CASZ1: variants seen among roughly 807,000 people sequenced by gnomAD.
The protein encoded by CASZ1 is castor zinc finger 1.
In CASZ1, 28 loss-of-function variants were observed where a neutral mutation model predicts 135.2. That is an observed-to-expected ratio of 0.21 (90% CI 0.15 to 0.28). CASZ1 has a LOEUF of 0.28. CASZ1 is among the 10% of genes least tolerant of loss of function. The probability of loss-of-function intolerance (pLI) is 1.00; values close to 1 mark genes in which losing one functional copy is unlikely to be tolerated. For missense variants in CASZ1, 2,161 were observed against 2,453.3 expected (o/e 0.88, Z 2.52); for synonymous variants, 1,068 against 1,073.4 (o/e 0.99, Z 0.10).
At chr1:10,744,789 G>A (rs986537358) in intron 2 of CASZ1, among the ~76,000 whole-genome samples, 3 of 152,112 alleles carry the variant, frequency 2.0e-5, no homozygotes, top group Admixed American at 1.3e-4. Flanking sequence ...GGTAGCCAGC[G>A]AGAGCCATTC....
In CASZ1 at chr1:10,701,557, G is replaced by A. The variant is rs1013854830; in HGVS notation, c.-24+3935C>T. The stretch of plus-strand genomic sequence containing the variant: ...AGGGGGGGCGCGGTCAGAAGAAGGA[G>A]ATAACGGGCAAAGGGCTGGAGGGAG... On this transcript the variant is annotated intron_variant, in intron 3 of 20. Coordinates refer to ENST00000377022, the MANE Select transcript of CASZ1 (RefSeq NM_001079843.3). The surrounding 1 kb of genome is among the most constrained non-coding windows in gnomAD (Gnocchi z 6.3). Among the ~76,000 whole-genome samples the A allele has an allele frequency of 8.5e-5, 13 of 152,194 alleles. No homozygotes were observed. Among genetic ancestry groups the A allele is most frequent in the African/African-American group, 3.1e-4 (13 of 41,460 alleles).
chr1:10,668,181 T>C (rs571167497), intron 4 of CASZ1, among the ~76,000 whole-genome samples: 1 of 152,214 alleles, frequency 6.6e-6, no homozygotes, highest in Non-Finnish European at 1.5e-5. Flanking sequence ...AGGGGTGCGT[T>C]GGAGCTGAGG....
In CASZ1 at chr1:10,711,585, C is replaced by CAAAAAAAAAA. The variant is rs201085072; in HGVS notation, c.-76-6051_-76-6042dup. ...CCAGAAAAAATGGAAAACAGGTACTCAAAAAAAAAAAAAAAAGAAAAACAA... is the reference window on the plus strand; with the variant it reads ...CCAGAAAAAATGGAAAACAGGTACTCAAAAAAAAAAAAAAAAAAAAAAAAAAGAAAAACAA... On this transcript the variant is annotated intron_variant, in intron 2 of 20. Transcript: ENST00000377022. The surrounding 1 kb of genome is among the most constrained non-coding windows in gnomAD (Gnocchi z 4.4). Among the ~76,000 whole-genome samples the CAAAAAAAAAA allele has an allele frequency of 1.0e-5, 1 of 97,566 alleles. No homozygotes were observed. 64.0% of individuals were successfully genotyped at this position (97,566 alleles called of 152,430 possible).
rs376625385 is a variant in CASZ1, at chr1:10,749,302, C to A, written c.-77+11399G>T. On this transcript the variant is annotated intron_variant, in intron 2 of 20. Transcript: ENST00000377022. ...TCACTCTGTCGCCCAGGCTGGAGTGCAGTGGTGCAACCTCAGCTCACTGCA... is the reference window on the plus strand; with the variant it reads ...TCACTCTGTCGCCCAGGCTGGAGTGAAGTGGTGCAACCTCAGCTCACTGCA... Among the ~76,000 whole-genome samples the A allele has an allele frequency of 2.1e-3, 320 of 151,838 alleles. 1 individual carries two copies. Among genetic ancestry groups the A allele is most frequent in the African/African-American group, 6.9e-3 (287 of 41,408 alleles).
chr1:10,662,766 C>A (rs1001878071), intron 5 of CASZ1, among the ~76,000 whole-genome samples: 1 of 152,122 alleles, frequency 6.6e-6, no homozygotes, highest in Non-Finnish European at 1.5e-5. Flanking sequence ...CAGACTCTTG[C>A]GCTCACACTC....
At chr1:10,748,195 C>G (rs575464399) in intron 2 of CASZ1, among the ~76,000 whole-genome samples, 1 of 152,292 alleles carries the variant, frequency 6.6e-6, no homozygotes, top group South Asian at 2.1e-4. Context: ...TTGCCAGGCC[C>G]GGCCTGTCCT....
At position 10,656,690 on chromosome 1, in the gene CASZ1, A is replaced by G; in HGVS notation, c.1456T>C (p.Tyr486His). The G allele has an allele frequency of 6.2e-7, 1 of 1,603,932 alleles. No homozygotes were observed. The highest frequency in any genetic ancestry group is 8.5e-7 in the Non-Finnish European group (1 of 1,176,178). ...HCGHIHCAYQYREHYHCLDPE... is the reference protein window; with the variant it reads ...HCGHIHCAYQHREHYHCLDPE... ...TCAAGGCAGTGGTAGTGCTCGCGGT[A>G]CTGGTAGGCACAGTGGATGTGGCCA... Residue 486 changes from tyrosine to histidine, a missense_variant, in exon 8 of 21, where the codon TAC becomes CAC. Around this residue, in one of 7 missense-constraint regions of CASZ1, gnomAD observed 248 missense variants for 410.8 expected, o/e 0.60. Coordinates refer to ENST00000377022, the MANE Select transcript of CASZ1 (RefSeq NM_001079843.3).
At chr1:10,686,079 C>A (rs1032476077) in intron 4 of CASZ1, among the ~76,000 whole-genome samples, 1 of 152,146 alleles carries the variant, frequency 6.6e-6, no homozygotes, top group South Asian at 2.1e-4. Context: ...AACCTGACCC[C>A]GTGGCCCCCA....
At chr1:10,664,159 C>G (rs1643147546) in intron 5 of CASZ1, among the ~76,000 whole-genome samples, 1 of 152,220 alleles carries the variant, frequency 6.6e-6, no homozygotes, top group Non-Finnish European at 1.5e-5. Flanking sequence ...AATTATGTGG[C>G]TGCGCAGGGC....
In CASZ1 at chr1:10,741,790, TTA is replaced by T. The variant is rs541260751; in HGVS notation, c.-77+18909_-77+18910del. On this transcript the variant is annotated intron_variant, in intron 2 of 20. Coordinates refer to ENST00000377022, the MANE Select transcript of CASZ1 (RefSeq NM_001079843.3). This position sits in a 1 kb window ranked among gnomAD's most constrained non-coding sequence, Gnocchi z 5.0. Reference sequence around the variant, plus strand: ...CTTTACAAACGACTTTTATACATATTTATATATATATATAGTTATATATTAAC... The same window carrying T: ...CTTTACAAACGACTTTTATACATATTTATATATATATAGTTATATATTAAC... 5.3e-5 allele frequency among the ~76,000 whole-genome samples: 8 copies of T among 151,254 alleles called. No individual in the cohort carries two copies. The highest frequency in any genetic ancestry group is 9.7e-5 in the African/African-American group (4 of 41,294).
chr1:10,682,996 G>A (rs1025627925), intron 4 of CASZ1, among the ~76,000 whole-genome samples: 18 of 152,244 alleles, frequency 1.2e-4, no homozygotes, highest in African/African-American at 3.9e-4. Flanking sequence ...CTGCGGGTAC[G>A]CAAAGATAAA....
At chr1:10,785,273 T>TCTTTC (rs1324107519) in intron 1 of CASZ1, among the ~76,000 whole-genome samples, 1 of 151,522 alleles carries the variant, frequency 6.6e-6, no homozygotes, top group South Asian at 2.1e-4. Context: ...CTTTCTTCCT[T>TCTTTC]CTTTCCTTTC....
chr1:10,730,045 C>G (rs1421776815), intron 2 of CASZ1, among the ~76,000 whole-genome samples: 1 of 152,142 alleles, frequency 6.6e-6, no homozygotes, highest in African/African-American at 2.4e-5. Context: ...GAACTCCTGG[C>G]CTCAAGTGAT....
intron 2 of CASZ1, among the ~76,000 whole-genome samples, chr1:10,737,278 G>A (rs1219421215): frequency 6.6e-6 from 1 of 152,178 alleles, no homozygotes; most frequent in Admixed American, 6.5e-5. Flanking sequence ...TGGAGGCACA[G>A]CCCCGCTCCA....
chr1:10,719,005 C>T lies in CASZ1; in HGVS notation c.-76-13461G>A, dbSNP rs1313479570. On this transcript the variant is annotated intron_variant, in intron 2 of 20. Transcript: ENST00000377022. The surrounding 1 kb of genome is among the most constrained non-coding windows in gnomAD (Gnocchi z 4.0). ...TCTGCTCACTGCAACCTCTGCTTTC[C>T]GGGTTCAAGCAATTGTTGTGCCTCA... is the stretch of plus-strand genomic sequence containing the variant. Among the ~76,000 whole-genome samples the T allele has an allele frequency of 2.7e-5, 4 of 148,114 alleles. No homozygotes were observed. Among genetic ancestry groups the T allele is most frequent in the South Asian group, 2.2e-4 (1 of 4,642 alleles).
At chr1:10,782,538 G>C (rs1640780611) in intron 1 of CASZ1, among the ~76,000 whole-genome samples, 1 of 152,258 alleles carries the variant, frequency 6.6e-6, no homozygotes, top group Non-Finnish European at 1.5e-5. Context: ...ACGAGGTCCT[G>C]GGACTGAGCG....
chr1:10,660,214 C>T lies in CASZ1; in HGVS notation c.828G>A (p.Leu276=), dbSNP rs1435058184. Residue 276 remains leucine, a synonymous_variant, in exon 6 of 21, where the codon CTG becomes CTA. Coordinates refer to ENST00000377022, the MANE Select transcript of CASZ1 (RefSeq NM_001079843.3). ...GKEVVGTLPG[L]RLPSSTAHLE... Reference sequence around the variant, plus strand: ...GGTGGGCCGTGCTGCTGGGCAGCCGCAGGCCGGGCAGGGTGCCCACCACCT... The same window carrying T: ...GGTGGGCCGTGCTGCTGGGCAGCCGTAGGCCGGGCAGGGTGCCCACCACCT... 1 of 1,612,924 alleles carries T rather than the reference C, an allele frequency of 6.2e-7. No individual in the cohort carries two copies. The highest frequency in any genetic ancestry group is 8.5e-7 in the Non-Finnish European group (1 of 1,179,752).
chr1:10,789,337 G>C (rs528066695), intron 1 of CASZ1, among the ~76,000 whole-genome samples: 54 of 145,708 alleles, frequency 3.7e-4, no homozygotes, highest in Non-Finnish European at 6.9e-4. Flanking sequence ...CCCTGGGCCT[G>C]CCACTTCCCC....
At chr1:10,715,573 C>T (rs543738854) in intron 2 of CASZ1, among the ~76,000 whole-genome samples, 13 of 145,810 alleles carry the variant, frequency 8.9e-5, no homozygotes, top group East Asian at 6.2e-4. Context: ...GCATCCAATC[C>T]GCACCTCACA....
Sources: gnomAD v4.1 joint callset for allele counts (sites outside exome capture counted in the v4.1 genomes callset) on GRCh38, gnomAD v4.1.1 for gene constraint, gnomAD v4.1.1 regional missense constraint, Gnocchi (gnomAD v3.1) non-coding constraint, MANE v1.5 for transcripts, NCBI Gene and HGNC (gene_info 2026-07-23, HGNC 2026-07-21) for gene names.